MAGI2: variants seen among roughly 807,000 people sequenced by gnomAD.
The protein encoded by MAGI2 is membrane associated guanylate kinase, WW and PDZ domain containing 2.
A neutral mutation model predicts 133.3 loss-of-function variants in MAGI2; 35 were observed. The observed-to-expected ratio is 0.26, with a 90% CI of 0.20 to 0.35. The LOEUF is 0.35. MAGI2 is among the 10% of genes least tolerant of loss of function. The pLI is 1.00. For missense variants in MAGI2, 1,636 were observed against 1,863.4 expected (o/e 0.88, Z 2.25); for synonymous variants, 729 against 710.6 (o/e 1.03, Z -0.41).
At chr7:79,005,515 A>C (rs2116505700) in intron 2 of MAGI2, among the ~76,000 whole-genome samples, 1 of 152,230 alleles carries the variant, frequency 6.6e-6, no homozygotes, top group East Asian at 1.9e-4. Flanking sequence ...TGCAAAATTT[A>C]CTCCTATTAT....
At chr7:78,155,080 C>T (rs1236988856) in intron 16 of MAGI2, among the ~76,000 whole-genome samples, 2 of 152,140 alleles carry the variant, frequency 1.3e-5, no homozygotes, top group Non-Finnish European at 2.9e-5. Context: ...ACATTATTTC[C>T]AATTTTCTAT....
chr7:78,381,387 G>A (rs1794911613), intron 6 of MAGI2, among the ~76,000 whole-genome samples: 1 of 150,294 alleles, frequency 6.7e-6, no homozygotes, highest in Non-Finnish European at 1.5e-5. Flanking sequence ...ATGAGTACTA[G>A]GGGTAAATTC....
chr7:78,020,006 T>C (rs545440472), intron 21 of MAGI2, 30 bp from the exon 22 acceptor site: 4 of 1,566,982 alleles, frequency 2.6e-6, no homozygotes, highest in South Asian at 1.2e-5. Context: ...GCGTTAGCAG[T>C]GGCGCACGCA....
At chr7:79,237,781 T>C (rs1036499235) in intron 1 of MAGI2, among the ~76,000 whole-genome samples, 7 of 152,194 alleles carry the variant, frequency 4.6e-5, no homozygotes, top group Non-Finnish European at 7.3e-5. Context: ...TATGCCACAA[T>C]GTATTTAAAT....
At chr7:79,367,752 T>C (rs1290516865) in intron 1 of MAGI2, among the ~76,000 whole-genome samples, 1 of 151,318 alleles carries the variant, frequency 6.6e-6, no homozygotes, top group African/African-American at 2.4e-5. Flanking sequence ...TATTGATGAA[T>C]AAGCATTTCA....
chr7:79,046,945 C>G (rs1812230127), intron 1 of MAGI2, among the ~76,000 whole-genome samples: 1 of 152,126 alleles, frequency 6.6e-6, no homozygotes, highest in Admixed American at 6.6e-5. Flanking sequence ...GGTCTTGTAT[C>G]TAGATTCTGG....
chr7:78,685,537 C>T (rs1228811428), intron 2 of MAGI2, among the ~76,000 whole-genome samples: 1 of 146,410 alleles, frequency 6.8e-6, no homozygotes, highest in African/African-American at 2.5e-5. Flanking sequence ...TAGAGAACTA[C>T]AAGAACATAA....
intron 2 of MAGI2, among the ~76,000 whole-genome samples, chr7:78,878,234 G>A (rs1209475615): frequency 1.3e-5 from 2 of 152,078 alleles, no homozygotes; most frequent in African/African-American, 4.8e-5. Flanking sequence ...GTCATACAAG[G>A]CCCTCTCATA....
chr7:78,186,755 T>A lies in MAGI2; in HGVS notation c.2270-1085A>T, dbSNP rs79007970. Among the ~76,000 whole-genome samples the A allele has an allele frequency of 3.6e-3, 548 of 152,310 alleles. 12 individuals are homozygous for A. The South Asian group carries it at 0.054, about 15-fold the overall frequency. On this transcript the variant is annotated intron_variant, in intron 12 of 21. Coordinates refer to ENST00000354212, the MANE Select transcript of MAGI2 (RefSeq NM_012301.4). ...AAACATACTTATTATATCTAAGTTT[T>A]AAACTTAATTAGAATGCATTATCCA...
intron 3 of MAGI2, among the ~76,000 whole-genome samples, chr7:78,558,843 T>TG (rs1244241712): frequency 3.3e-5 from 5 of 151,362 alleles, no homozygotes; most frequent in East Asian, 1.9e-4. Context: ...CACCGTTTTT[T>TG]TTTTTTTTTT....
At chr7:78,223,684 GCCACAA>G (rs1406642196) in intron 10 of MAGI2, among the ~76,000 whole-genome samples, 19 of 152,060 alleles carry the variant, frequency 1.2e-4, no homozygotes, top group African/African-American at 4.3e-4. Flanking sequence ...TTACTGTAAT[GCCACAA>G]GCCTCCCTAT....
chr7:79,284,445 C>A (rs1363105814), intron 1 of MAGI2, among the ~76,000 whole-genome samples: 1 of 152,080 alleles, frequency 6.6e-6, no homozygotes, highest in African/African-American at 2.4e-5. Flanking sequence ...CCCACTAGAC[C>A]ACATATCACA....
At chr7:79,392,803 C>T (rs1386518183) in intron 1 of MAGI2, among the ~76,000 whole-genome samples, 1 of 152,138 alleles carries the variant, frequency 6.6e-6, no homozygotes, top group Non-Finnish European at 1.5e-5. Context: ...AAAGGCACCT[C>T]CTTTTTCACT....
chr7:79,391,996 C>T (rs943392448), intron 1 of MAGI2, among the ~76,000 whole-genome samples: 32 of 152,044 alleles, frequency 2.1e-4, no homozygotes, highest in Middle Eastern at 3.2e-3. Flanking sequence ...TCCTAATGCT[C>T]TCCCTCCCCT....
intron 10 of MAGI2, among the ~76,000 whole-genome samples, chr7:78,206,657 T>G (rs961361418): frequency 6.6e-6 from 1 of 152,230 alleles, no homozygotes; most frequent in Non-Finnish European, 1.5e-5. Context: ...AACATCCTTC[T>G]GTATTCCAGT....
At chr7:78,698,173 C>A (rs1817705286) in intron 2 of MAGI2, among the ~76,000 whole-genome samples, 1 of 152,086 alleles carries the variant, frequency 6.6e-6, no homozygotes, top group Non-Finnish European at 1.5e-5. Flanking sequence ...TTCCAATAAG[C>A]TATATCAGTG....
chr7:79,189,807 C>A (rs753076016), intron 1 of MAGI2, among the ~76,000 whole-genome samples: 13 of 151,702 alleles, frequency 8.6e-5, no homozygotes, highest in African/African-American at 1.5e-4. Context: ...CCCCTGACAA[C>A]CATGGATCTT....
chr7:78,252,963 AT>A (rs1386533097), intron 10 of MAGI2: 34 of 140,576 alleles, frequency 2.4e-4, no homozygotes, highest in African/African-American at 6.1e-4. Flanking sequence ...AAAAAAAACA[AT>A]GGGCAGCTAT....
chr7:78,717,591 A>C (rs1585180226), intron 2 of MAGI2, among the ~76,000 whole-genome samples: 1 of 152,184 alleles, frequency 6.6e-6, no homozygotes, highest in Non-Finnish European at 1.5e-5. Context: ...TTTCCTGTAA[A>C]ATACAGATAG....
Sources: gnomAD v4.1 joint callset for allele counts (sites outside exome capture counted in the v4.1 genomes callset) on GRCh38, gnomAD v4.1.1 for gene constraint, MANE v1.5 for transcripts, NCBI Gene and HGNC (gene_info 2026-07-23, HGNC 2026-07-21) for gene names.